SLIT2: variants seen among roughly 807,000 people sequenced by gnomAD.
The protein encoded by SLIT2 is slit guidance ligand 2.
Under a neutral mutation model 185.7 loss-of-function variants are expected in SLIT2, and 41 were observed. The observed-to-expected ratio is 0.22, with a 90% confidence interval of 0.17 to 0.29. The LOEUF (loss-of-function observed/expected upper bound fraction) is 0.29, where lower values mean the gene tolerates loss of function less well. Among genes scored for constraint, SLIT2 ranks in the 10% least tolerant of loss-of-function variants. The probability of loss-of-function intolerance (pLI) is 1.00; values close to 1 mark genes in which losing one functional copy is unlikely to be tolerated. For missense variants in SLIT2, 1,571 were observed against 1,909.0 expected (o/e 0.82, Z 3.30); for synonymous variants, 693 against 680.2 (o/e 1.02, Z -0.29).
chr4:20,368,719 G>A (rs1303949788), intron 4 of SLIT2, among the ~76,000 whole-genome samples: 2 of 152,108 alleles, frequency 1.3e-5, no homozygotes, highest in Non-Finnish European at 2.9e-5. Flanking sequence ...AGTTTGACAG[G>A]TGCTCTGAAA....
chr4:20,369,791 C>T (rs961694055), intron 4 of SLIT2, among the ~76,000 whole-genome samples: 78 of 152,068 alleles, frequency 5.1e-4, no homozygotes, highest in African/African-American at 1.8e-3. Flanking sequence ...TATTGCTCAC[C>T]ATATCTGGAG....
At chr4:20,387,199 T>A (rs1249716949) in intron 4 of SLIT2, among the ~76,000 whole-genome samples, 1 of 152,182 alleles carries the variant, frequency 6.6e-6, no homozygotes. Flanking sequence ...CCTTTATTGT[T>A]GTTCTCAGGG....
At chr4:20,255,465 G>A (rs1033880933) in intron 1 of SLIT2, among the ~76,000 whole-genome samples, 1 of 152,266 alleles carries the variant, frequency 6.6e-6, no homozygotes. Flanking sequence ...TAGGGTGGTG[G>A]GTGGAGATTC....
At chr4:20,538,780 T>TAAAAAAA (rs35129347) in intron 18 of SLIT2, among the ~76,000 whole-genome samples, 3 of 121,124 alleles carry the variant, frequency 2.5e-5, no homozygotes, top group African/African-American at 6.1e-5. Flanking sequence ...TGACAATGAC[T>TAAAAAAA]AAAAAAAAAA....
intron 4 of SLIT2, among the ~76,000 whole-genome samples, chr4:20,400,676 G>A (rs531117027): frequency 2.7e-4 from 41 of 151,612 alleles, no homozygotes; most frequent in African/African-American, 9.9e-4. Flanking sequence ...GAAAGAATAT[G>A]GAATAACAAA....
intron 4 of SLIT2, among the ~76,000 whole-genome samples, chr4:20,315,840 TAC>T (rs1344968003): frequency 2.0e-5 from 3 of 152,080 alleles, no homozygotes; most frequent in African/African-American, 7.2e-5. Context: ...TTTTAATACA[TAC>T]ACACACATAA....
intron 4 of SLIT2, among the ~76,000 whole-genome samples, chr4:20,289,529 T>C (rs1280464879): frequency 6.6e-6 from 1 of 152,212 alleles, no homozygotes; most frequent in Admixed American, 6.5e-5. Flanking sequence ...AAAAAACCCA[T>C]GAAGGTGTGT....
At chr4:20,416,396 T>A (rs1727690927) in intron 4 of SLIT2, among the ~76,000 whole-genome samples, 1 of 152,180 alleles carries the variant, frequency 6.6e-6, no homozygotes, top group Non-Finnish European at 1.5e-5. Flanking sequence ...ATTATCTCAT[T>A]ACTTATTATC....
chr4:20,577,699 C>T (rs1577959476), intron 29 of SLIT2, among the ~76,000 whole-genome samples: 1 of 152,206 alleles, frequency 6.6e-6, no homozygotes, highest in East Asian at 1.9e-4. Flanking sequence ...TATATCCACC[C>T]TGTGCTATAG....
At chr4:20,280,098 C>T (rs940979999) in intron 4 of SLIT2, among the ~76,000 whole-genome samples, 4 of 151,984 alleles carry the variant, frequency 2.6e-5, no homozygotes, top group African/African-American at 9.7e-5. Flanking sequence ...CTTTGGGAGG[C>T]GGAGGTGGGC....
intron 4 of SLIT2, among the ~76,000 whole-genome samples, chr4:20,357,962 A>T (rs775929375): frequency 6.6e-6 from 1 of 152,100 alleles, no homozygotes; most frequent in African/African-American, 2.4e-5. Context: ...TATTTAAGGA[A>T]TTACTTCAGG....
intron 3 of SLIT2, 28 bp from the exon 4 acceptor site, chr4:20,268,782 A>T: frequency 6.7e-7 from 1 of 1,489,722 alleles, no homozygotes; most frequent in Non-Finnish European, 9.4e-7. Context: ...TCTATGTAAC[A>T]TAAGCTTTGT....
intron 4 of SLIT2, among the ~76,000 whole-genome samples, chr4:20,302,464 C>T (rs1294684013): frequency 6.6e-6 from 1 of 152,024 alleles, no homozygotes; most frequent in Non-Finnish European, 1.5e-5. Context: ...ATCATAATGT[C>T]TATGGGGGGG....
At chr4:20,331,267 G>T (rs964200776) in intron 4 of SLIT2, among the ~76,000 whole-genome samples, 5 of 151,952 alleles carry the variant, frequency 3.3e-5, no homozygotes, top group African/African-American at 1.2e-4. Context: ...GCTATCTGGA[G>T]GTAAAAGAAA....
At position 20,268,942 on chromosome 4, in the gene SLIT2, T is replaced by C. The variant is rs185537697; in HGVS notation, c.395+61T>C. The C allele has an allele frequency of 1.6e-4, 163 of 1,010,122 alleles. No individual in the cohort carries two copies. In the African/African-American group the frequency reaches 2.2e-3, roughly 14 times the overall value. 62.6% of individuals were successfully genotyped at this position (1,010,122 alleles called of 1,614,324 possible). A position where few individuals can be genotyped will look rare whatever the true frequency, so the allele number is the denominator to read the frequency against. ...AGTACCTTGTGTTTTATTAAATGTA[T>C]TTTGGATCTGTTTGTGTGTGCTTTC... On this transcript the variant is annotated intron_variant, in intron 4 of 36. Transcript: ENST00000504154.
At chr4:20,444,297 T>C (rs1711535540) in intron 4 of SLIT2, among the ~76,000 whole-genome samples, 1 of 152,154 alleles carries the variant, frequency 6.6e-6, no homozygotes, top group Non-Finnish European at 1.5e-5. Context: ...TTAAGGAGAA[T>C]TATTGGGGCC....
At chr4:20,519,609 A>G (rs994102218) in intron 12 of SLIT2, among the ~76,000 whole-genome samples, 156 bp downstream of exon 12, 1 of 152,158 alleles carries the variant, frequency 6.6e-6, no homozygotes, top group African/African-American at 2.4e-5. Context: ...AGTATTCGTG[A>G]TTATTTACTT....
chr4:20,480,683 C>T, intron 5 of SLIT2, 33 bp from the exon 6 acceptor site: 1 of 1,552,572 alleles, frequency 6.4e-7, no homozygotes, highest in Non-Finnish European at 8.9e-7. Flanking sequence ...CTGTCCATCC[C>T]TTCTACATAT....
chr4:20,348,450 G>C (rs1219257951), intron 4 of SLIT2, among the ~76,000 whole-genome samples: 1 of 151,224 alleles, frequency 6.6e-6, no homozygotes, highest in Non-Finnish European at 1.5e-5. Flanking sequence ...GTTTCACCAG[G>C]CTAGCCAGGG....
Sources: allele counts gnomAD v4.1 joint callset (sites outside exome capture counted in the v4.1 genomes callset), GRCh38; gene constraint gnomAD v4.1.1; transcripts MANE v1.5; gene names NCBI Gene and HGNC (gene_info 2026-07-23, HGNC 2026-07-21).